The following SLCO5A1 variants were observed in gnomAD, a reference collection of about 807,000 sequenced individuals.
The protein encoded by SLCO5A1 is solute carrier organic anion transporter family member 5A1, also known as organic anion transporter polypeptide-related protein 4.
In SLCO5A1, 39 loss-of-function variants were observed where a neutral mutation model predicts 65.1. The ratio of observed to expected loss-of-function variants is 0.60; its 90% confidence interval spans 0.46 to 0.78. SLCO5A1 has a LOEUF of 0.78. SLCO5A1 is among the 30% of genes least tolerant of loss of function. SLCO5A1 has a pLI of 0.00. For missense variants in SLCO5A1, 1,029 were observed against 1,069.4 expected, an observed-to-expected ratio of 0.96 and a Z score of 0.53; for synonymous variants, 438 against 415.7, an observed-to-expected ratio of 1.05 and a Z score of -0.65.
At chr8:69,746,079 C>T (rs1236580373) in intron 4 of SLCO5A1, among the ~76,000 whole-genome samples, 1 of 152,116 alleles carries the variant, frequency 6.6e-6, no homozygotes, top group Non-Finnish European at 1.5e-5. Flanking sequence ...TTAGAATGTG[C>T]ATATCTCCAT....
At chr8:69,729,080 G>A (rs1392565869) in intron 5 of SLCO5A1, among the ~76,000 whole-genome samples, 1 of 152,168 alleles carries the variant, frequency 6.6e-6, no homozygotes, top group Non-Finnish European at 1.5e-5. Flanking sequence ...CTGAGGTAGA[G>A]CCAAAGGACA....
rs1057353379 is a variant in SLCO5A1 at position 69,673,047 on chromosome 8, G to C, written c.2369C>G (p.Ala790Gly). ...VSERVGHPDNARTRSCPAFST... is the reference protein window; with the variant it reads ...VSERVGHPDNGRTRSCPAFST... ...GAAAGCTGGGCAAGATCTAGTCCGGGCATTGTCGGGGTGTCCCACTCTCTC... is the reference window on the plus strand; with the variant it reads ...GAAAGCTGGGCAAGATCTAGTCCGGCCATTGTCGGGGTGTCCCACTCTCTC... The change falls in exon 10 of 10, where the codon GCC (alanine) becomes GGC (glycine). Residue 790 changes from alanine (A) to glycine (G), a missense_variant. This residue lies in a region of SLCO5A1 where 258 missense variants were observed against 237.4 expected (regional missense o/e 1.09). Transcript: ENST00000260126. 2.5e-6 allele frequency: 4 copies of C among 1,614,214 alleles called. No individual in the cohort carries two copies. The highest frequency in any genetic ancestry group is 3.4e-6 in the Non-Finnish European group (4 of 1,180,040).
At chr8:69,785,072 G>A (rs1174909717) in intron 2 of SLCO5A1, among the ~76,000 whole-genome samples, 1 of 150,354 alleles carries the variant, frequency 6.7e-6, no homozygotes, top group African/African-American at 2.4e-5. Flanking sequence ...AAGGAAGGAA[G>A]GAAGGGAAGG....
chr8:69,706,913 C>T (rs191562816), intron 5 of SLCO5A1, among the ~76,000 whole-genome samples: 189 of 152,228 alleles, frequency 1.2e-3, no homozygotes, highest in South Asian at 2.7e-3. Context: ...TTTGGGAGGC[C>T]GAGGCTGGCG....
At chr8:69,775,501 T>A (rs1818519769) in intron 2 of SLCO5A1, among the ~76,000 whole-genome samples, 1 of 152,210 alleles carries the variant, frequency 6.6e-6, no homozygotes, top group African/African-American at 2.4e-5. Context: ...GAGTGACCAC[T>A]GTTTATACAC....
chr8:69,738,006 A>G, intron 5 of SLCO5A1, 34 bp downstream of exon 5: 1 of 1,594,608 alleles, frequency 6.3e-7, no homozygotes, highest in Non-Finnish European at 8.6e-7. Context: ...CAAAATGATC[A>G]TGTTTTCAAG....
At chr8:69,799,971 G>C (rs1161056861) in intron 2 of SLCO5A1, among the ~76,000 whole-genome samples, 2 of 152,080 alleles carry the variant, frequency 1.3e-5, no homozygotes, top group Non-Finnish European at 2.9e-5. Context: ...TTTCAAATTA[G>C]ATAATAATTT....
At chr8:69,735,617 G>A (rs1034003109) in intron 5 of SLCO5A1, among the ~76,000 whole-genome samples, 3 of 152,148 alleles carry the variant, frequency 2.0e-5, no homozygotes, top group African/African-American at 4.8e-5. Context: ...GAGCTGAATG[G>A]TAAGAACACA....
At chr8:69,745,911 T>C (rs1816989481) in intron 4 of SLCO5A1, among the ~76,000 whole-genome samples, 1 of 152,222 alleles carries the variant, frequency 6.6e-6, no homozygotes, top group Non-Finnish European at 1.5e-5. Context: ...TTCACTTTTA[T>C]TTTATTCTCT....
In SLCO5A1 at chr8:69,672,895, G is replaced by T. The variant is rs761394053; in HGVS notation, c.2521C>A (p.Pro841Thr). The change falls in exon 10 of 10, where the codon CCC becomes ACC. Residue 841 changes from proline (P) to threonine (T), a missense_variant. Coordinates refer to ENST00000260126, the MANE Select transcript of SLCO5A1 (RefSeq NM_030958.3). ...CAGGAGGGCGGCTCCAAGGCAGCGG[G>T]GCTCTCTTCCAGCCCCGGGTCCGCA... ...SSADPGLEES[P>T]AALEPPS The T allele has an allele frequency of 1.2e-5, 19 of 1,612,500 alleles. No homozygotes were observed. The highest frequency in any genetic ancestry group is 1.5e-5 in the Non-Finnish European group (18 of 1,178,750).
chr8:69,795,342 A>G (rs1183179279), intron 2 of SLCO5A1, among the ~76,000 whole-genome samples: 1 of 152,226 alleles, frequency 6.6e-6, no homozygotes, highest in Non-Finnish European at 1.5e-5. Flanking sequence ...TACTTCCAAG[A>G]CACAATAGGG....
intron 6 of SLCO5A1, among the ~76,000 whole-genome samples, chr8:69,694,486 C>T (rs2130801128): frequency 6.6e-6 from 1 of 152,306 alleles, no homozygotes; most frequent in Admixed American, 6.5e-5. Flanking sequence ...GTCTTAAAAT[C>T]ATGCAGAACA....
At chr8:69,750,161 T>C (rs567805853) in intron 4 of SLCO5A1, among the ~76,000 whole-genome samples, 1 of 152,320 alleles carries the variant, frequency 6.6e-6, no homozygotes, top group South Asian at 2.1e-4. Context: ...GACTTTTCTA[T>C]GAATGAGCTG....
At chr8:69,767,480 G>C (rs912288761) in intron 2 of SLCO5A1, among the ~76,000 whole-genome samples, 1 of 152,114 alleles carries the variant, frequency 6.6e-6, no homozygotes, top group Non-Finnish European at 1.5e-5. Flanking sequence ...CTCTGAGCCT[G>C]TTTCCTCATC....
intron 3 of SLCO5A1, among the ~76,000 whole-genome samples, chr8:69,757,656 G>A (rs558616815): frequency 1.4e-3 from 207 of 152,290 alleles, no homozygotes; most frequent in Non-Finnish European, 2.6e-3. Context: ...TCTAGCTTGG[G>A]CAACAAGAGT....
At position 69,669,550 on chromosome 8, in the gene SLCO5A1, CAT is replaced by C; in HGVS notation, c.*3317_*3318del. ...ATAAAATCAGCCGGGCATGGTGGCT[CAT>C]GCCTGTAATCCCAGCACTTTGAGAG... On this transcript the variant is annotated 3_prime_UTR_variant, in exon 10 of 10. Coordinates refer to ENST00000260126, the MANE Select transcript of SLCO5A1 (RefSeq NM_030958.3). The C allele has an allele frequency of 6.6e-6, 1 of 152,286 alleles. No individual in the cohort carries two copies. Among genetic ancestry groups the C allele is most frequent in the Non-Finnish European group, 1.5e-5 (1 of 68,032 alleles). 9.4% of individuals were successfully genotyped at this position (152,286 alleles called of 1,614,324 possible). A position where few individuals can be genotyped will look rare whatever the true frequency, so the allele number is the denominator to read the frequency against.
intron 2 of SLCO5A1, among the ~76,000 whole-genome samples, chr8:69,791,543 A>T (rs1234522004): frequency 6.6e-6 from 1 of 152,198 alleles, no homozygotes; most frequent in Non-Finnish European, 1.5e-5. Flanking sequence ...AATATCTGAG[A>T]TGTAATGTTT....
At chr8:69,694,563 C>T (rs555411833) in intron 6 of SLCO5A1, among the ~76,000 whole-genome samples, 2 of 152,288 alleles carry the variant, frequency 1.3e-5, no homozygotes, top group South Asian at 4.2e-4. Flanking sequence ...CACAAGGGCA[C>T]CCAGCCAAGG....
chr8:69,715,848 A>G (rs1231829277), intron 5 of SLCO5A1, among the ~76,000 whole-genome samples: 1 of 152,130 alleles, frequency 6.6e-6, no homozygotes, highest in African/African-American at 2.4e-5. Context: ...ATACTACACA[A>G]TTTGCCTACT....
Sources: gnomAD v4.1 joint callset for allele counts (sites outside exome capture counted in the v4.1 genomes callset) on GRCh38, gnomAD v4.1.1 for gene constraint, gnomAD v4.1.1 regional missense constraint, MANE v1.5 for transcripts, NCBI Gene and HGNC (gene_info 2026-07-23, HGNC 2026-07-21) for gene names.